Variants in MYRIP observed in about 807,000 individuals in gnomAD.
The protein encoded by MYRIP is myosin VIIA and Rab interacting protein, also known as rab effector MyRIP.
In MYRIP, 49 loss-of-function variants were observed where a neutral mutation model predicts 98.0. That is an observed-to-expected ratio of 0.50 (90% CI 0.40 to 0.63). The LOEUF (loss-of-function observed/expected upper bound fraction) is 0.63. Among genes scored for constraint, MYRIP ranks in the 30% least tolerant of loss-of-function variants. The pLI is 0.00. For synonymous variants in MYRIP, 404 were observed against 409.5 expected, an observed-to-expected ratio of 0.99 and a Z score of 0.16; for missense variants, 1,004 against 1,058.2, an observed-to-expected ratio of 0.95 and a Z score of 0.71.
chr3:40,101,469 A>G (rs1434478124), intron 3 of MYRIP, among the ~76,000 whole-genome samples: 1 of 152,134 alleles, frequency 6.6e-6, no homozygotes, highest in East Asian at 1.9e-4. Context: ...TAGCTTTTCC[A>G]GGCTTGAGAA....
intron 3 of MYRIP, among the ~76,000 whole-genome samples, chr3:40,139,916 G>C (rs942852136): frequency 2.0e-5 from 3 of 152,138 alleles, no homozygotes; most frequent in African/African-American, 7.2e-5. Context: ...TAGTCCATTT[G>C]TGCATACAAT....
rs377408039 is a variant in MYRIP, at chr3:39,969,551, A to C, written c.110+68625A>C. ...TATGAAGGGGTATTGAATTTTATTGAAAGCTTTTTCTGGGTCTATTGAGAT... is the reference window on the plus strand; with the variant it reads ...TATGAAGGGGTATTGAATTTTATTGCAAGCTTTTTCTGGGTCTATTGAGAT... On this transcript the variant is annotated intron_variant, in intron 2 of 16. Coordinates refer to ENST00000302541, the MANE Select transcript of MYRIP (RefSeq NM_015460.4). Among the ~76,000 whole-genome samples, 4 of 152,238 alleles carry C rather than the reference A, an allele frequency of 2.6e-5. No homozygotes were observed. The East Asian group carries it at 7.7e-4, about 29-fold the overall frequency.
intron 2 of MYRIP, among the ~76,000 whole-genome samples, chr3:40,041,169 A>G (rs913920305): frequency 1.4e-5 from 2 of 141,256 alleles, no homozygotes; most frequent in Non-Finnish European, 3.1e-5. Context: ...CAATAAATGT[A>G]GAAGGCATTA....
intron 1 of MYRIP, among the ~76,000 whole-genome samples, chr3:39,852,739 C>CTT (rs1553639388): frequency 2.2e-5 from 3 of 136,268 alleles, no homozygotes; most frequent in Non-Finnish European, 4.8e-5. Context: ...CTCCTGTTCT[C>CTT]CTCTTCTCTT....
chr3:40,162,871 T>C (rs1950426693), intron 5 of MYRIP, 61 bp downstream of exon 5: 1 of 1,470,914 alleles, frequency 6.8e-7, no homozygotes, highest in African/African-American at 1.4e-5. Flanking sequence ...CACCTACAGG[T>C]ACAGGTACTG....
chr3:39,856,911 A>C (rs1042515284), intron 1 of MYRIP, among the ~76,000 whole-genome samples: 32 of 152,204 alleles, frequency 2.1e-4, no homozygotes, highest in African/African-American at 7.5e-4. Context: ...GCACCAAAAA[A>C]CACTAAAGAA....
At chr3:40,058,446 G>A (rs1325815566) in intron 3 of MYRIP, among the ~76,000 whole-genome samples, 1 of 152,036 alleles carries the variant, frequency 6.6e-6, no homozygotes, top group Non-Finnish European at 1.5e-5. Flanking sequence ...ATTTTTTTCT[G>A]CTCAAAAGTT....
intron 12 of MYRIP, among the ~76,000 whole-genome samples, chr3:40,235,380 G>T (rs913727062): frequency 1.3e-5 from 2 of 151,806 alleles, no homozygotes; most frequent in African/African-American, 4.8e-5. Context: ...ATAAATGTTG[G>T]CTGTTCTTAT....
intron 12 of MYRIP, among the ~76,000 whole-genome samples, chr3:40,238,188 A>G (rs1397490006): frequency 6.6e-6 from 1 of 152,140 alleles, no homozygotes; most frequent in Non-Finnish European, 1.5e-5. Flanking sequence ...CAGCTTTTTA[A>G]ATTTCACCTC....
intron 2 of MYRIP, among the ~76,000 whole-genome samples, chr3:40,018,857 A>G (rs555833988): frequency 5.9e-5 from 9 of 152,318 alleles, no homozygotes; most frequent in Admixed American, 5.9e-4. Context: ...ATGATCCCAA[A>G]TAATAATACA....
rs1164269197 is a variant in MYRIP at position 40,234,071 on chromosome 3, T to C, written c.2100+18T>C. 1 of 1,586,788 alleles carries C rather than the reference T, an allele frequency of 6.3e-7. No homozygotes were observed. Among genetic ancestry groups the C allele is most frequent in the Admixed American group, 1.9e-5 (1 of 52,704 alleles). On this transcript the variant is annotated intron_variant, in intron 12 of 16. Coordinates refer to ENST00000302541, the MANE Select transcript of MYRIP (RefSeq NM_015460.4). Reference sequence around the variant, plus strand: ...AAGAAAATGTAAGAGGGTATGGAGGTGCCCTGTCTAGGGTGAATGTATGTG... The same window carrying C: ...AAGAAAATGTAAGAGGGTATGGAGGCGCCCTGTCTAGGGTGAATGTATGTG...
chr3:39,944,548 A>C (rs1944857925), intron 2 of MYRIP, among the ~76,000 whole-genome samples: 1 of 152,152 alleles, frequency 6.6e-6, no homozygotes, highest in Non-Finnish European at 1.5e-5. Flanking sequence ...CTCTAGAAGC[A>C]TATATGCAAA....
chr3:40,180,649 T>C (rs17710561), intron 8 of MYRIP, among the ~76,000 whole-genome samples: 6,932 of 152,240 alleles, frequency 0.046, 200 homozygotes, highest in Middle Eastern at 0.075. Flanking sequence ...CCTATGACCA[T>C]TGCATCGAAA....
Position 39,860,388 on chromosome 3 carries a change from G to A in MYRIP, c.-30-40399G>A, listed in dbSNP as rs1300605732. On this transcript the variant is annotated intron_variant, in intron 1 of 16. Coordinates refer to ENST00000302541, the MANE Select transcript of MYRIP (RefSeq NM_015460.4). ...GGTTTGATATGGCAGCATCTCTAGT[G>A]GAGCATGATCATGAATGCCCATTGC... 5.3e-5 allele frequency among the ~76,000 whole-genome samples: 8 copies of A among 152,202 alleles called. No homozygotes were observed. In the South Asian group the frequency reaches 1.4e-3, roughly 28 times the overall value.
chr3:39,976,115 C>G (rs1945743295), intron 2 of MYRIP, among the ~76,000 whole-genome samples: 1 of 152,068 alleles, frequency 6.6e-6, no homozygotes, highest in South Asian at 2.1e-4. Context: ...AACTGGCAAC[C>G]TACAGAATGG....
intron 1 of MYRIP, among the ~76,000 whole-genome samples, chr3:39,816,917 T>C (rs1440230518): frequency 6.6e-6 from 1 of 152,208 alleles, no homozygotes; most frequent in Non-Finnish European, 1.5e-5. Context: ...TAAGCCTCTG[T>C]AATGATAACA....
At chr3:40,146,219 T>G (rs1412240504) in intron 3 of MYRIP, among the ~76,000 whole-genome samples, 2 of 152,188 alleles carry the variant, frequency 1.3e-5, no homozygotes, top group Non-Finnish European at 2.9e-5. Context: ...GGCGTGGTAG[T>G]GGCATTTTTG....
intron 1 of MYRIP, among the ~76,000 whole-genome samples, chr3:39,832,991 C>T (rs1039945044): frequency 3.3e-5 from 5 of 152,156 alleles, no homozygotes; most frequent in African/African-American, 1.2e-4. Context: ...AACCCAGATA[C>T]ACAACACTAG....
chr3:40,001,295 C>T (rs569514975), intron 2 of MYRIP, among the ~76,000 whole-genome samples: 11 of 152,236 alleles, frequency 7.2e-5, no homozygotes, highest in African/African-American at 2.6e-4. Context: ...AAAGTGTGTG[C>T]TCAATAAACA....
Sources: allele counts gnomAD v4.1 joint callset (sites outside exome capture counted in the v4.1 genomes callset), GRCh38; gene constraint gnomAD v4.1.1; transcripts MANE v1.5; gene names NCBI Gene and HGNC (gene_info 2026-07-23, HGNC 2026-07-21).